The following DTNA variants were observed in gnomAD, a reference collection of about 807,000 sequenced individuals.
DTNA encodes the protein dystrobrevin alpha.
In DTNA, 43 loss-of-function variants were observed where a neutral mutation model predicts 100.7. The ratio of observed to expected loss-of-function variants is 0.43; its 90% CI spans 0.33 to 0.55. The LOEUF is 0.55. Ranked by LOEUF, DTNA falls within the 20% of genes least tolerant of loss-of-function variation. The pLI, the probability that DTNA is intolerant of heterozygous loss-of-function variation, is 0.04. For missense variants in DTNA, 798 were observed against 953.9 expected, an observed-to-expected ratio of 0.84 and a Z score of 2.15; for synonymous variants, 349 against 347.9, an observed-to-expected ratio of 1.00 and a Z score of -0.04.
chr18:34,842,358 A>T (rs567754525), intron 13 of DTNA, among the ~76,000 whole-genome samples: 34 of 152,316 alleles, frequency 2.2e-4, no homozygotes, highest in Non-Finnish European at 4.6e-4. Context: ...ACAATATTTT[A>T]TGCTTTGGGA....
At chr18:34,823,232 G>A (rs763524749) in intron 9 of DTNA, among the ~76,000 whole-genome samples, 78 of 152,222 alleles carry the variant, frequency 5.1e-4, no homozygotes, top group Non-Finnish European at 7.6e-4. Flanking sequence ...ATGGTATTAA[G>A]CCTTAATCAT....
intron 1 of DTNA, among the ~76,000 whole-genome samples, chr18:34,602,724 A>C (rs1363364133): frequency 2.0e-5 from 3 of 151,968 alleles, no homozygotes; most frequent in African/African-American, 4.8e-5. Flanking sequence ...AACAAACAAA[A>C]AAAGAGGCCC....
chr18:34,671,367 C>T (rs2076734966), intron 1 of DTNA, among the ~76,000 whole-genome samples: 1 of 152,170 alleles, frequency 6.6e-6, no homozygotes, highest in Non-Finnish European at 1.5e-5. Flanking sequence ...TCACTGACCC[C>T]TTGTGCTTCC....
intron 1 of DTNA, among the ~76,000 whole-genome samples, chr18:34,500,012 T>G (rs190478106): frequency 6.6e-6 from 1 of 152,208 alleles, no homozygotes; most frequent in African/African-American, 2.4e-5. Context: ...TTGTTTTTCT[T>G]TTTCAAAATT....
intron 1 of DTNA, among the ~76,000 whole-genome samples, chr18:34,532,856 G>A (rs1296529571): frequency 1.3e-5 from 2 of 151,858 alleles, no homozygotes; most frequent in Non-Finnish European, 2.9e-5. Flanking sequence ...GAGAAACCTG[G>A]TGACTGTATA....
chr18:34,716,315 A>G (rs765687136), intron 1 of DTNA, among the ~76,000 whole-genome samples: 3 of 152,176 alleles, frequency 2.0e-5, no homozygotes, highest in Non-Finnish European at 4.4e-5. Context: ...TTATCCCAAC[A>G]CTTTGGGAGG....
At chr18:34,826,745 A>G (rs996947545) in intron 9 of DTNA, among the ~76,000 whole-genome samples, 5 of 152,138 alleles carry the variant, frequency 3.3e-5, no homozygotes, top group Admixed American at 2.0e-4. Flanking sequence ...TCATATTACC[A>G]TTCATTATCC....
chr18:34,599,943 G>A (rs2051441060), intron 1 of DTNA, among the ~76,000 whole-genome samples: 1 of 152,180 alleles, frequency 6.6e-6, no homozygotes, highest in African/African-American at 2.4e-5. Flanking sequence ...CTTCCAAAGT[G>A]CTGGGATTAC....
rs561410670 is a variant in DTNA, at chr18:34,650,877, A to T, written c.-1-105099A>T. On this transcript the variant is annotated intron_variant, in intron 1 of 19. Coordinates refer to the DTNA transcript ENST00000283365. ...AATTCTTCATGTACATTAGTAATTT[A>T]TTATAGTTCTACTACCCTGAATCAT... Among the ~76,000 whole-genome samples the T allele has an allele frequency of 3.9e-5, 6 of 152,306 alleles. No homozygotes were observed. In the South Asian group the frequency reaches 1.2e-3, roughly 32 times the overall value.
At chr18:34,722,212 AAAG>A (rs1287635503) in intron 1 of DTNA, among the ~76,000 whole-genome samples, 3 of 152,110 alleles carry the variant, frequency 2.0e-5, no homozygotes, top group South Asian at 4.1e-4. Context: ...ATATTAAAAT[AAAG>A]AAGAATGTCA....
At chr18:34,536,641 A>G (rs2043741853) in intron 1 of DTNA, among the ~76,000 whole-genome samples, 1 of 151,832 alleles carries the variant, frequency 6.6e-6, no homozygotes. Context: ...ATATTTTCTT[A>G]TATCTAGGAA....
intron 1 of DTNA, among the ~76,000 whole-genome samples, chr18:34,742,012 A>C (rs2090740016): frequency 6.6e-6 from 1 of 152,170 alleles, no homozygotes; most frequent in South Asian, 2.1e-4. Context: ...CTTGAAGATA[A>C]AATTAAATAA....
intron 1 of DTNA, among the ~76,000 whole-genome samples, chr18:34,510,093 G>GTGTGT (rs71159875): frequency 1.3e-5 from 2 of 148,404 alleles, no homozygotes; most frequent in Non-Finnish European, 3.0e-5. Flanking sequence ...GTGTGTGTGT[G>GTGTGT]GTTTTTTTGG....
chr18:34,890,126 G>T lies in DTNA; in HGVS notation c.*2392G>T, dbSNP rs1009032007. On this transcript the variant is annotated 3_prime_UTR_variant, in exon 23 of 23. Transcript: ENST00000444659. ...TTTGTGTTTCTACATCAAAATGTTC[G>T]TCTAAGATTTGAACTGTTCTGCTGA... 2 of 1,399,764 alleles carry T rather than the reference G, an allele frequency of 1.4e-6. No individual in the cohort carries two copies. The highest frequency in any genetic ancestry group is 9.2e-7 in the Non-Finnish European group (1 of 1,081,754). The allele number at this position is 1,399,764 out of a possible 1,614,324, so 86.7% of individuals were successfully genotyped here. A position where few individuals can be genotyped will look rare whatever the true frequency, so the allele number is the denominator to read the frequency against.
intron 1 of DTNA, among the ~76,000 whole-genome samples, chr18:34,666,705 C>G (rs2075980337): frequency 1.3e-5 from 2 of 152,052 alleles, no homozygotes; most frequent in South Asian, 4.2e-4. Context: ...TTGTTTTTGT[C>G]AGGTTTGTCA....
At chr18:34,887,482 A>G (rs1568914750) in intron 22 of DTNA, among the ~76,000 whole-genome samples, 1 of 152,130 alleles carries the variant, frequency 6.6e-6, no homozygotes, top group African/African-American at 2.4e-5. Flanking sequence ...CAGCACAAAT[A>G]TTTCTGTTTG....
At chr18:34,778,559 C>T (rs1259754903) in intron 3 of DTNA, among the ~76,000 whole-genome samples, 3 of 152,036 alleles carry the variant, frequency 2.0e-5, no homozygotes, top group Admixed American at 6.5e-5. Flanking sequence ...TTCTCATCAT[C>T]GCAAACAAAA....
intron 1 of DTNA, among the ~76,000 whole-genome samples, chr18:34,535,012 A>G (rs925258821): frequency 5.3e-5 from 8 of 152,152 alleles, no homozygotes; most frequent in Non-Finnish European, 1.2e-4. Flanking sequence ...ATACCCAGTA[A>G]TGGGATTGTT....
intron 5 of DTNA, among the ~76,000 whole-genome samples, chr18:34,810,259 T>C (rs966300273): frequency 3.3e-5 from 5 of 152,156 alleles, no homozygotes; most frequent in Non-Finnish European, 5.9e-5. Flanking sequence ...CGCCTACCCA[T>C]AGACTTTCTA....
Sources: allele counts gnomAD v4.1 joint callset (sites outside exome capture counted in the v4.1 genomes callset), GRCh38; gene constraint gnomAD v4.1.1; transcripts MANE v1.5; gene names NCBI Gene and HGNC (gene_info 2026-07-23, HGNC 2026-07-21).